LETM1: variants seen among roughly 807,000 people sequenced by gnomAD.
The protein encoded by LETM1 is leucine zipper and EF-hand containing transmembrane protein 1, also known as mitochondrial proton/calcium exchanger protein.
Under a neutral mutation model 74.5 loss-of-function variants are expected in LETM1, and 50 were observed. The observed-to-expected ratio is 0.67, with a 90% CI of 0.53 to 0.85. The LOEUF is 0.85. Among genes scored for constraint, LETM1 ranks in the 40% least tolerant of loss-of-function variants. The pLI is 0.00. For synonymous variants in LETM1, 446 were observed against 407.1 expected, an observed-to-expected ratio of 1.10 and a Z score of -1.15; for missense variants, 824 against 967.8, an observed-to-expected ratio of 0.85 and a Z score of 1.97.
chr4:1,855,866 T>C lies in LETM1; in HGVS notation c.82+3A>G. On this transcript the variant is annotated splice_donor_region_variant and intron_variant, in intron 1 of 13. Transcript: ENST00000302787. ...GCCCCGCCCTGGGGTGCCCGCCGCT[T>C]ACCCCGCGGGACGGTGTACCGAGGC... 8.1e-7 allele frequency: 1 copy of C among 1,229,380 alleles called. No individual in the cohort carries two copies. The highest frequency in any genetic ancestry group is 3.4e-5 in the East Asian group (1 of 29,386). 76.2% of individuals were successfully genotyped at this position (1,229,380 alleles called of 1,614,324 possible). A position where few individuals can be genotyped will look rare whatever the true frequency, so the allele number is the denominator to read the frequency against.
At chr4:1,822,040 T>C in intron 10 of LETM1, 141 bp downstream of exon 10, 1 of 875,602 alleles carries the variant, frequency 1.1e-6, no homozygotes, top group Middle Eastern at 4.1e-4. Context: ...AGTGGCCTCA[T>C]CCTCAACCCC....
At position 1,836,858 on chromosome 4, in the gene LETM1, C is replaced by G. The variant is rs1577321301; in HGVS notation, c.595-286G>C. 2.0e-5 allele frequency among the ~76,000 whole-genome samples: 3 copies of G among 152,092 alleles called. No homozygotes were observed. Among genetic ancestry groups the G allele is most frequent in the Non-Finnish European group, 4.4e-5 (3 of 68,022 alleles). On this transcript the variant is annotated intron_variant, in intron 3 of 13. Coordinates refer to ENST00000302787, the MANE Select transcript of LETM1 (RefSeq NM_012318.3). The surrounding 1 kb of genome is among the most constrained non-coding windows in gnomAD (Gnocchi z 5.8). ...CGATCGAGTCCTCCGAGGACACCGG[C>G]CAGCACTCTGGGCTCGGGGGCCAGC...
chr4:1,828,239 ACCTC>A (rs1298604780), intron 6 of LETM1, among the ~76,000 whole-genome samples: 1 of 61,596 alleles, frequency 1.6e-5, no homozygotes, highest in Non-Finnish European at 3.2e-5. Context: ...ACCGCCCCCC[ACCTC>A]CCTCCCGGAC....
chr4:1,812,192 C>CT lies in LETM1; in HGVS notation c.*2231dup, dbSNP rs1278956822. The stretch of plus-strand genomic sequence containing the variant: ...CCAGCCTGGGAGACAGAGCAAGACT[C>CT]TGTCTCAAAAAAAAAAAAAAAAATT... On this transcript the variant is annotated 3_prime_UTR_variant, in exon 14 of 14. Coordinates refer to ENST00000302787, the MANE Select transcript of LETM1 (RefSeq NM_012318.3). 1.3e-5 allele frequency: 1 copy of CT among 74,268 alleles called. No individual in the cohort carries two copies. The highest frequency in any genetic ancestry group is 2.5e-5 in the Non-Finnish European group (1 of 40,732). The allele number at this position is 74,268 out of a possible 1,614,324, so 4.6% of individuals were successfully genotyped here.
At chr4:1,853,476 A>T (rs1478922385) in intron 1 of LETM1, among the ~76,000 whole-genome samples, 2 of 152,200 alleles carry the variant, frequency 1.3e-5, no homozygotes, top group Non-Finnish European at 2.9e-5. Context: ...CTTCCTCCTG[A>T]AAAACCATCT....
intron 6 of LETM1, among the ~76,000 whole-genome samples, chr4:1,827,074 C>T (rs977097220): frequency 6.6e-6 from 1 of 152,184 alleles, no homozygotes; most frequent in Non-Finnish European, 1.5e-5. Flanking sequence ...TGCCGACCCT[C>T]GCTCTGGTTG....
chr4:1,819,493 C>G, intron 10 of LETM1, 21 bp from the exon 11 acceptor site: 1 of 1,605,768 alleles, frequency 6.2e-7, no homozygotes, highest in Non-Finnish European at 8.5e-7. Flanking sequence ...AATGGGCAAA[C>G]AACAAAGCCT....
At position 1,819,393 on chromosome 4, in the gene LETM1, G is replaced by A. The variant is rs1385160716; in HGVS notation, c.1688C>T (p.Thr563Ile). 1 of 1,613,624 alleles carries A rather than the reference G, an allele frequency of 6.2e-7. No homozygotes were observed. The highest frequency in any genetic ancestry group is 8.5e-7 in the Non-Finnish European group (1 of 1,179,922). ...CAGCTCCAGCTCCTCCTTCTCCTTGGTGAGTGACTTCTTCTGCTCCTGCAG... is the reference window on the plus strand; with the variant it reads ...CAGCTCCAGCTCCTCCTTCTCCTTGATGAGTGACTTCTTCTGCTCCTGCAG... ...SKLQEQKKSL[T>I]KEKEELELLK... Residue 563 changes from threonine (T) to isoleucine (I), a missense_variant, in exon 11 of 14, where the codon ACC becomes ATC. This residue lies in a region of LETM1 where 161 missense variants were observed against 252.7 expected (regional missense o/e 0.64). Transcript: ENST00000302787.
At chr4:1,847,225 C>A (rs553531748) in intron 2 of LETM1, among the ~76,000 whole-genome samples, 1 of 151,930 alleles carries the variant, frequency 6.6e-6, no homozygotes, top group South Asian at 2.1e-4. Flanking sequence ...CCTGTAGTCC[C>A]AGCTACTCAG....
At chr4:1,829,569 T>C (rs915633302) in intron 6 of LETM1, among the ~76,000 whole-genome samples, 7 of 152,216 alleles carry the variant, frequency 4.6e-5, no homozygotes, top group African/African-American at 7.2e-5. Flanking sequence ...AATCCCAACA[T>C]TTTGGGAGGC....
At chr4:1,833,000 C>T in intron 5 of LETM1, 53 bp from the exon 6 acceptor site, 1 of 1,535,448 alleles carries the variant, frequency 6.5e-7, no homozygotes, top group Admixed American at 1.7e-5. Context: ...ACCCGGCTCC[C>T]TCCCACGACC....
Position 1,841,309 on chromosome 4 carries a change from C to T in LETM1, c.594+38G>A, listed in dbSNP as rs1712679340. On this transcript the variant is annotated intron_variant, in intron 3 of 13. Transcript: ENST00000302787. ...CTGCACTCCAGCCTGGGTGATAGAGCAAGAAAGAAAAGAAAGGACTAGACA... is the reference window on the plus strand; with the variant it reads ...CTGCACTCCAGCCTGGGTGATAGAGTAAGAAAGAAAAGAAAGGACTAGACA... The T allele has an allele frequency of 2.5e-6, 4 of 1,573,922 alleles. No individual in the cohort carries two copies. The East Asian group carries it at 9.0e-5, about 35-fold the overall frequency.
At chr4:1,844,253 T>A (rs1712805807) in intron 2 of LETM1, among the ~76,000 whole-genome samples, 1 of 152,164 alleles carries the variant, frequency 6.6e-6, no homozygotes, top group Non-Finnish European at 1.5e-5. Flanking sequence ...AGTACAGATT[T>A]AGAAATAAAA....
Position 1,823,703 on chromosome 4 carries a change from C to A in LETM1, c.1273G>T (p.Asp425Tyr), listed in dbSNP as rs1441842565. The change falls in exon 8 of 14, where the codon GAC (aspartate) becomes TAC (tyrosine). Residue 425 changes from aspartate to tyrosine, a missense_variant. Coordinates refer to ENST00000302787, the MANE Select transcript of LETM1 (RefSeq NM_012318.3). ...LILSRAMYLP[D>Y]TLSPADQLKS... ...AGCTGGTCGGCTGGAGAGAGGGTGTCCGGGAGGTACATGGCCCGGGACAGG... is the reference window on the plus strand; with the variant it reads ...AGCTGGTCGGCTGGAGAGAGGGTGTACGGGAGGTACATGGCCCGGGACAGG... The A allele has an allele frequency of 6.2e-7, 1 of 1,613,918 alleles. No individual in the cohort carries two copies. Among genetic ancestry groups the A allele is most frequent in the Non-Finnish European group, 8.5e-7 (1 of 1,179,956 alleles).
intron 5 of LETM1, 128 bp from the exon 6 acceptor site, chr4:1,833,075 T>TC (rs1391053707): frequency 1.5e-6 from 1 of 649,586 alleles, no homozygotes; most frequent in African/African-American, 1.9e-5. Context: ...TACTTCTTCT[T>TC]TTTTTTTTTT....
At chr4:1,823,868 A>C in intron 7 of LETM1, 93 bp from the exon 8 acceptor site, 5 of 1,366,714 alleles carry the variant, frequency 3.7e-6, no homozygotes, top group African/African-American at 1.4e-5. Flanking sequence ...AATAGCTCTC[A>C]GAGAAGACAG....
In LETM1 at chr4:1,823,721, G is replaced by C; in HGVS notation, c.1255C>G (p.Arg419Gly). ...AGGGTGTCCGGGAGGTACATGGCCC[G>C]GGACAGGATGAGCAGCGATGTGGGG... Reference protein sequence around the residue: ...EIPTSLLILSRAMYLPDTLSP... With the variant: ...EIPTSLLILSGAMYLPDTLSP... Residue 419 changes from arginine to glycine, a missense_variant, in exon 8 of 14, where the codon CGG (arginine) becomes GGG (glycine). This residue lies in a region of LETM1 where 172 missense variants were observed against 170.7 expected (regional missense o/e 1.01). Coordinates refer to ENST00000302787, the MANE Select transcript of LETM1 (RefSeq NM_012318.3). The C allele has an allele frequency of 6.2e-7, 1 of 1,613,780 alleles. No individual in the cohort carries two copies. Among genetic ancestry groups the C allele is most frequent in the Non-Finnish European group, 8.5e-7 (1 of 1,179,872 alleles).
At chr4:1,848,715 CAAAAAAAAAAAAAAAAA>C (rs927486416) in intron 2 of LETM1, among the ~76,000 whole-genome samples, 5 of 43,894 alleles carry the variant, frequency 1.1e-4, no homozygotes, top group African/African-American at 4.5e-4. Flanking sequence ...GGCTCTGTCT[CAAAAAAAAAAAAAAAAA>C]AAAAGAAAAA....
At chr4:1,853,462 T>C (rs1006169376) in intron 1 of LETM1, among the ~76,000 whole-genome samples, 16 of 152,360 alleles carry the variant, frequency 1.1e-4, no homozygotes, top group Middle Eastern at 3.4e-3. Flanking sequence ...TTCACCTCTG[T>C]GGTCTTCCTC....
Sources: allele counts gnomAD v4.1 joint callset (sites outside exome capture counted in the v4.1 genomes callset), GRCh38; gene constraint gnomAD v4.1.1; regional missense constraint gnomAD v4.1.1; non-coding constraint Gnocchi (gnomAD v3.1); transcripts MANE v1.5; gene names NCBI Gene and HGNC (gene_info 2026-07-23, HGNC 2026-07-21).